Variants in CSMD1 observed in about 807,000 individuals in gnomAD.
The protein encoded by CSMD1 is CUB and Sushi multiple domains 1, also known as CUB and sushi domain-containing protein 1.
Under a neutral mutation model 417.5 loss-of-function variants are expected in CSMD1, and 213 were observed. That is an observed-to-expected ratio of 0.51 (90% CI 0.46 to 0.57). The LOEUF is 0.57. CSMD1 is among the 20% of genes least tolerant of loss of function. The pLI is 0.00. For synonymous variants in CSMD1, 2,862 were observed against 1,736.8 expected (o/e 1.65, Z -16.11); for missense variants, 6,923 against 4,529.7 (o/e 1.53, Z -15.17).
chr8:3,216,571 G>A (rs193126711), intron 29 of CSMD1, among the ~76,000 whole-genome samples: 8 of 152,176 alleles, frequency 5.3e-5, no homozygotes, highest in Non-Finnish European at 1.0e-4. Flanking sequence ...ATTTCTGATG[G>A]CAGGATTTTT....
At chr8:3,911,391 G>A (rs575432338) in intron 5 of CSMD1, among the ~76,000 whole-genome samples, 2 of 151,902 alleles carry the variant, frequency 1.3e-5, no homozygotes, top group African/African-American at 4.8e-5. Flanking sequence ...AGCTGGGTAT[G>A]GTGGCGGGCG....
chr8:4,339,815 G>A (rs1800373014), intron 3 of CSMD1, among the ~76,000 whole-genome samples: 1 of 152,068 alleles, frequency 6.6e-6, no homozygotes, highest in African/African-American at 2.4e-5. Flanking sequence ...CTTGAGGCCA[G>A]GAGTTTAAGA....
intron 26 of CSMD1, among the ~76,000 whole-genome samples, chr8:3,261,037 G>A (rs1368007858): frequency 1.3e-5 from 2 of 152,116 alleles, no homozygotes; most frequent in Non-Finnish European, 2.9e-5. Flanking sequence ...TCACTGTAGA[G>A]GAAACACAGG....
chr8:4,773,119 A>T (rs1262448269), intron 1 of CSMD1, among the ~76,000 whole-genome samples: 5 of 152,172 alleles, frequency 3.3e-5, no homozygotes, highest in African/African-American at 1.2e-4. Context: ...CATATATATT[A>T]CCAGTTGAGT....
At chr8:4,568,382 T>C (rs759009710) in intron 2 of CSMD1, among the ~76,000 whole-genome samples, 68 of 152,170 alleles carry the variant, frequency 4.5e-4, no homozygotes, top group Non-Finnish European at 8.2e-4. Context: ...TTGTTTCGTT[T>C]TCTGTTTCTG....
chr8:3,531,497 T>C (rs1408030667), intron 10 of CSMD1, among the ~76,000 whole-genome samples: 1 of 152,128 alleles, frequency 6.6e-6, no homozygotes, highest in South Asian at 2.1e-4. Context: ...ATTATTGAAA[T>C]GCCCCAGGGT....
intron 1 of CSMD1, among the ~76,000 whole-genome samples, chr8:4,915,822 G>C (rs1308187252): frequency 6.6e-6 from 1 of 152,230 alleles, no homozygotes; most frequent in Non-Finnish European, 1.5e-5. Flanking sequence ...TGGCCACACG[G>C]AGACCCATCT....
rs540348114 is a variant in CSMD1 at position 4,412,831 on chromosome 8, C to G, written c.415+7122G>C. 2.0e-5 allele frequency among the ~76,000 whole-genome samples: 3 copies of G among 152,098 alleles called. No individual in the cohort carries two copies. The South Asian group carries it at 6.2e-4, about 32-fold the overall frequency. The stretch of plus-strand genomic sequence containing the variant: ...ACTCACTCTAGGCCTGTATGTGAAA[C>G]CAAATTGTAATGGAAGAATGCCTGC... On this transcript the variant is annotated intron_variant, in intron 3 of 69. Coordinates refer to ENST00000635120, the MANE Select transcript of CSMD1 (RefSeq NM_033225.6).
At chr8:3,729,235 C>T (rs1802675580) in intron 6 of CSMD1, among the ~76,000 whole-genome samples, 2 of 152,144 alleles carry the variant, frequency 1.3e-5, no homozygotes, top group South Asian at 2.1e-4. Flanking sequence ...CACACTCTTC[C>T]CTGCCTTTTT....
chr8:4,473,169 G>A (rs1025609968), intron 2 of CSMD1, among the ~76,000 whole-genome samples: 1 of 152,098 alleles, frequency 6.6e-6, no homozygotes, highest in African/African-American at 2.4e-5. Context: ...AAATTCCAAT[G>A]ATTTTCCAAA....
intron 3 of CSMD1, among the ~76,000 whole-genome samples, chr8:4,341,174 C>G (rs1800456186): frequency 6.6e-6 from 1 of 152,030 alleles, no homozygotes; most frequent in African/African-American, 2.4e-5. Flanking sequence ...CGTTGATCAT[C>G]TATATTTGGG....
At chr8:4,961,839 T>A (rs1809511224) in intron 1 of CSMD1, among the ~76,000 whole-genome samples, 1 of 152,184 alleles carries the variant, frequency 6.6e-6, no homozygotes, top group Admixed American at 6.5e-5. Context: ...TTTCCTGTTG[T>A]CCACGTCTTG....
chr8:4,689,404 A>G (rs906565897), intron 1 of CSMD1, among the ~76,000 whole-genome samples: 1 of 152,198 alleles, frequency 6.6e-6, no homozygotes, highest in Non-Finnish European at 1.5e-5. Context: ...AATTGTCTAT[A>G]TGTTTCATAA....
intron 1 of CSMD1, among the ~76,000 whole-genome samples, chr8:4,752,813 A>G (rs1811418016): frequency 6.6e-6 from 1 of 152,166 alleles, no homozygotes; most frequent in Admixed American, 6.5e-5. Context: ...ACCTGGAGAA[A>G]GAAGGATGGA....
chr8:4,605,696 G>T (rs971642586), intron 2 of CSMD1, among the ~76,000 whole-genome samples: 2 of 152,010 alleles, frequency 1.3e-5, no homozygotes, highest in Non-Finnish European at 2.9e-5. Flanking sequence ...GTCCCTTGTA[G>T]AATGCATAAA....
chr8:2,967,550 T>C (rs1217915630), intron 57 of CSMD1, among the ~76,000 whole-genome samples: 3 of 152,158 alleles, frequency 2.0e-5, no homozygotes, highest in East Asian at 3.8e-4. Context: ...TTCCCTTTTT[T>C]AGTCGAGCCT....
chr8:4,445,761 A>G (rs1798749731), intron 2 of CSMD1, among the ~76,000 whole-genome samples: 1 of 144,414 alleles, frequency 6.9e-6, no homozygotes, highest in East Asian at 2.0e-4. Context: ...CGGTCCTGAG[A>G]ATCTACACTA....
intron 3 of CSMD1, among the ~76,000 whole-genome samples, chr8:4,363,896 G>A (rs574764031): frequency 6.6e-6 from 1 of 152,144 alleles, no homozygotes; most frequent in Non-Finnish European, 1.5e-5. Flanking sequence ...GGTTACCAGA[G>A]TCTAGAAAGG....
chr8:4,671,833 A>C (rs993200753), intron 1 of CSMD1, among the ~76,000 whole-genome samples: 2 of 152,182 alleles, frequency 1.3e-5, no homozygotes, highest in African/African-American at 4.8e-5. Context: ...CTTACGTTTG[A>C]GGAGTTTCAT....
Sources: gnomAD v4.1 joint callset for allele counts (sites outside exome capture counted in the v4.1 genomes callset) on GRCh38, gnomAD v4.1.1 for gene constraint, MANE v1.5 for transcripts, NCBI Gene and HGNC (gene_info 2026-07-23, HGNC 2026-07-21) for gene names.